JPH3: variants seen among roughly 807,000 people sequenced by gnomAD.
JPH3 encodes the protein junctophilin 3.
A neutral mutation model predicts 59.6 loss-of-function variants in JPH3; 11 were observed. That is an observed-to-expected ratio of 0.18 (90% CI 0.12 to 0.31). The LOEUF (loss-of-function observed/expected upper bound fraction) is 0.31. JPH3 is among the 10% of genes least tolerant of loss of function. The probability of loss-of-function intolerance (pLI) is 1.00; values close to 1 mark genes in which losing one functional copy is unlikely to be tolerated. For synonymous variants in JPH3, 673 were observed against 483.6 expected (o/e 1.39, Z -5.14); for missense variants, 1,202 against 1,105.7 (o/e 1.09, Z -1.24).
In JPH3 at chr16:87,616,634, G is replaced by A. The variant is rs921841548; in HGVS notation, c.382+13106G>A. The stretch of plus-strand genomic sequence containing the variant: ...GTGGTGAGGAATAGATCAGAGATCC[G>A]GTGTCCCCCTCATGTGGTCTCTCCC... On this transcript the variant is annotated intron_variant, in intron 1 of 4. Transcript: ENST00000284262. Among the ~76,000 whole-genome samples, 22 of 152,004 alleles carry A rather than the reference G, an allele frequency of 1.4e-4. 1 individual carries two copies. Among genetic ancestry groups the A allele is most frequent in the Admixed American group, 1.2e-3 (18 of 15,264 alleles).
chr16:87,655,851 C>G (rs185100471), intron 2 of JPH3, among the ~76,000 whole-genome samples: 7 of 152,326 alleles, frequency 4.6e-5, no homozygotes, highest in Admixed American at 3.3e-4. Flanking sequence ...GAATGAGGTT[C>G]GACAGTGCTG....
At chr16:87,656,342 T>G (rs1597267336) in intron 2 of JPH3, among the ~76,000 whole-genome samples, 1 of 152,046 alleles carries the variant, frequency 6.6e-6, no homozygotes, top group Non-Finnish European at 1.5e-5. Context: ...GGGGGGTGGG[T>G]TAGGATTCCA....
chr16:87,690,976 T>C (rs946939979), intron 4 of JPH3, among the ~76,000 whole-genome samples: 1 of 151,578 alleles, frequency 6.6e-6, no homozygotes, highest in African/African-American at 2.4e-5. Flanking sequence ...AGGTCTGGGG[T>C]TGGGGGGAGC....
chr16:87,653,277 C>T (rs574065996), intron 2 of JPH3, among the ~76,000 whole-genome samples: 100 of 152,362 alleles, frequency 6.6e-4, no homozygotes, highest in African/African-American at 2.0e-3. Context: ...CAGCACCTGC[C>T]GTGTGCCTGC....
In JPH3 at chr16:87,683,458, C is replaced by T. The variant is rs138265802; in HGVS notation, c.1161-684C>T. Among the ~76,000 whole-genome samples, 1,149 of 152,086 alleles carry T rather than the reference C, an allele frequency of 7.6e-3. 17 individuals are homozygous for T. Among genetic ancestry groups the T allele is most frequent in the African/African-American group, 0.026 (1,099 of 41,484 alleles). The stretch of plus-strand genomic sequence containing the variant: ...TAGCTGGGATTACAGGCACGTGCCA[C>T]AACACCCGGCTAATTTTTGTAATTT... On this transcript the variant is annotated intron_variant, in intron 2 of 4. Transcript: ENST00000284262.
chr16:87,639,333 C>A (rs2031861684), intron 1 of JPH3, among the ~76,000 whole-genome samples: 1 of 152,112 alleles, frequency 6.6e-6, no homozygotes, highest in African/African-American at 2.4e-5. Flanking sequence ...CCTCCTAGCC[C>A]CTTCCTGACC....
intron 2 of JPH3, among the ~76,000 whole-genome samples, chr16:87,669,953 C>A (rs886349635): frequency 5.9e-5 from 9 of 152,254 alleles, no homozygotes; most frequent in Non-Finnish European, 1.0e-4. Flanking sequence ...TGCCTGCCCG[C>A]CTGTGTCAGC....
intron 1 of JPH3, among the ~76,000 whole-genome samples, chr16:87,636,234 G>T (rs1038378631): frequency 2.0e-5 from 3 of 152,324 alleles, no homozygotes; most frequent in African/African-American, 7.2e-5. Context: ...CACGTGCCCT[G>T]GGGTGGGGTG....
At chr16:87,613,301 G>T (rs902037159) in intron 1 of JPH3, among the ~76,000 whole-genome samples, 2 of 150,002 alleles carry the variant, frequency 1.3e-5, no homozygotes, top group Non-Finnish European at 3.0e-5. Flanking sequence ...GGGTTTCACC[G>T]TGTTAGCCAG....
chr16:87,610,295 C>T (rs1029819493), intron 1 of JPH3, among the ~76,000 whole-genome samples: 13 of 152,210 alleles, frequency 8.5e-5, no homozygotes, highest in African/African-American at 2.4e-4. Flanking sequence ...CCACATTTCA[C>T]GGGCTCAACA....
chr16:87,645,236 G>C (rs932728841), intron 2 of JPH3, among the ~76,000 whole-genome samples: 2 of 152,234 alleles, frequency 1.3e-5, no homozygotes, highest in African/African-American at 4.8e-5. Context: ...GATTGGTGCA[G>C]AGGAATGGTT....
intron 2 of JPH3, among the ~76,000 whole-genome samples, chr16:87,677,185 T>TATATACACAC (rs1491266129): frequency 4.7e-4 from 45 of 95,188 alleles, no homozygotes; most frequent in African/African-American, 1.3e-3. Context: ...TATATATATA[T>TATATACACAC]ACACACACAC....
intron 1 of JPH3, among the ~76,000 whole-genome samples, chr16:87,608,666 C>T (rs1463323695): frequency 6.6e-6 from 1 of 152,216 alleles, no homozygotes; most frequent in African/African-American, 2.4e-5. Context: ...TCTAGGCATC[C>T]TCTTCAAGCC....
chr16:87,614,017 A>G (rs893598957), intron 1 of JPH3, among the ~76,000 whole-genome samples: 1 of 151,982 alleles, frequency 6.6e-6, no homozygotes, highest in African/African-American at 2.4e-5. Flanking sequence ...CACTTGCTTT[A>G]CAGATGAGGA....
chr16:87,643,055 C>A (rs911841516), intron 1 of JPH3, among the ~76,000 whole-genome samples: 1 of 152,142 alleles, frequency 6.6e-6, no homozygotes, highest in South Asian at 2.1e-4. Context: ...GACCCCACAA[C>A]CCTCCCCAGC....
At chr16:87,606,108 G>A (rs549508413) in intron 1 of JPH3, among the ~76,000 whole-genome samples, 1 of 152,346 alleles carries the variant, frequency 6.6e-6, no homozygotes, top group Admixed American at 6.5e-5. Context: ...GCAGGGTGTG[G>A]GGATCGCCAG....
At chr16:87,626,520 C>T (rs1273961421) in intron 1 of JPH3, among the ~76,000 whole-genome samples, 4 of 152,232 alleles carry the variant, frequency 2.6e-5, no homozygotes, top group Non-Finnish European at 5.9e-5. Flanking sequence ...GGCCCCTGTG[C>T]CCAGGTTTTC....
chr16:87,647,381 G>C (rs2032186848), intron 2 of JPH3, among the ~76,000 whole-genome samples: 1 of 152,070 alleles, frequency 6.6e-6, no homozygotes, highest in Non-Finnish European at 1.5e-5. Flanking sequence ...ATGGACAGAA[G>C]GACAGACAGA....
At chr16:87,669,444 G>A (rs2032958764) in intron 2 of JPH3, among the ~76,000 whole-genome samples, 1 of 152,208 alleles carries the variant, frequency 6.6e-6, no homozygotes, top group Non-Finnish European at 1.5e-5. Flanking sequence ...CACACGCCTG[G>A]GGTTCCGTCC....
Sources: gnomAD v4.1 joint callset for allele counts (sites outside exome capture counted in the v4.1 genomes callset) on GRCh38, gnomAD v4.1.1 for gene constraint, MANE v1.5 for transcripts, NCBI Gene and HGNC (gene_info 2026-07-23, HGNC 2026-07-21) for gene names.